NEK7: variants seen among roughly 807,000 people sequenced by gnomAD.
NEK7 encodes serine/threonine-protein kinase Nek7.
Under a neutral mutation model 44.6 loss-of-function variants are expected in NEK7, and 18 were observed. The ratio of observed to expected loss-of-function variants is 0.40; its 90% confidence interval spans 0.28 to 0.60. NEK7 has a LOEUF of 0.60. Among genes scored for constraint, NEK7 ranks in the 20% least tolerant of loss-of-function variants. The pLI, the probability that NEK7 is intolerant of heterozygous loss-of-function variation, is 0.38. For synonymous variants in NEK7, 130 were observed against 121.1 expected (o/e 1.07, Z -0.48); for missense variants, 256 against 366.5 (o/e 0.70, Z 2.46).
At chr1:198,232,660 G>A (rs1482240402) in intron 2 of NEK7, 23 bp downstream of exon 2, 4 of 1,412,020 alleles carry the variant, frequency 2.8e-6, no homozygotes, top group East Asian at 2.3e-5. Flanking sequence ...AATTAAGATG[G>A]GCAGAACTAT....
chr1:198,276,938 C>A (rs6691487), intron 5 of NEK7, among the ~76,000 whole-genome samples: 19,313 of 151,482 alleles, frequency 0.13, 1,897 homozygotes, highest in African/African-American at 0.26. Flanking sequence ...ATAGTTCCTC[C>A]ATATTCAATA....
intron 2 of NEK7, among the ~76,000 whole-genome samples, chr1:198,239,348 C>T (rs577485844): frequency 6.6e-6 from 1 of 152,078 alleles, no homozygotes; most frequent in East Asian, 2.0e-4. Flanking sequence ...CAGATTCAGC[C>T]ATTTGTTGAT....
At chr1:198,164,203 C>T (rs532353117) in intron 1 of NEK7, among the ~76,000 whole-genome samples, 4 of 152,304 alleles carry the variant, frequency 2.6e-5, no homozygotes, top group African/African-American at 9.6e-5. Context: ...TGTTACTGAA[C>T]ATTTAATAGT....
At chr1:198,310,594 T>G (rs925502730) in intron 9 of NEK7, among the ~76,000 whole-genome samples, 1 of 150,996 alleles carries the variant, frequency 6.6e-6, no homozygotes, top group African/African-American at 2.4e-5. Context: ...TTTAAGTCTT[T>G]AATCCATCTT....
intron 7 of NEK7, among the ~76,000 whole-genome samples, chr1:198,285,581 G>A (rs1295725988): frequency 2.6e-5 from 4 of 151,962 alleles, no homozygotes; most frequent in Non-Finnish European, 5.9e-5. Context: ...AAGAGAGCAT[G>A]GAGAATCACT....
chr1:198,171,640 C>T (rs1571499406), intron 1 of NEK7, among the ~76,000 whole-genome samples: 1 of 151,480 alleles, frequency 6.6e-6, no homozygotes, highest in Admixed American at 6.6e-5. Flanking sequence ...GATTGTGCAA[C>T]TGCACTCCAG....
chr1:198,253,158 C>A lies in NEK7; in HGVS notation c.176C>A (p.Pro59Gln), dbSNP rs141651146. Residue 59 changes from proline to glutamine, a missense_variant, in exon 3 of 10, where the codon CCA (proline) becomes CAA (glutamine). Pro to Gln is a moderately conservative substitution (Grantham distance 76). Transcript: ENST00000367385. ...GCAGCCTGTCTCTTGGATGGAGTAC[C>A]AGTAGCTTTAAAAAAAGTGCAGGTA... Reference protein sequence around the residue: ...YRAACLLDGVPVALKKVQIFD... With the variant: ...YRAACLLDGVQVALKKVQIFD... 1.5e-5 allele frequency: 24 copies of A among 1,604,728 alleles called. No individual in the cohort carries two copies. In the African/African-American group the frequency reaches 3.0e-4, roughly 20 times the overall value.
At chr1:198,302,911 A>C (rs1359147678) in intron 9 of NEK7, among the ~76,000 whole-genome samples, 2 of 152,246 alleles carry the variant, frequency 1.3e-5, no homozygotes, top group African/African-American at 4.8e-5. Flanking sequence ...GCCCAAAGTA[A>C]ACTCTCAGGT....
chr1:198,253,311 ATTT>A (rs1653138968), intron 3 of NEK7, 131 bp downstream of exon 3: 1 of 586,442 alleles, frequency 1.7e-6, no homozygotes, highest in East Asian at 3.1e-5. Context: ...TGAACGTTGT[ATTT>A]TAAAAGCCAG....
intron 2 of NEK7, among the ~76,000 whole-genome samples, chr1:198,252,136 A>T (rs1012492998): frequency 6.6e-6 from 1 of 152,034 alleles, no homozygotes; most frequent in Admixed American, 6.6e-5. Flanking sequence ...TTATGTACCC[A>T]GTAGTCATTC....
intron 1 of NEK7, among the ~76,000 whole-genome samples, chr1:198,205,667 T>G (rs1201550905): frequency 1.3e-5 from 2 of 152,006 alleles, no homozygotes; most frequent in Admixed American, 6.5e-5. Context: ...CACTCACATT[T>G]TTTTTTTTTG....
chr1:198,253,702 C>T (rs1653157671), intron 3 of NEK7, among the ~76,000 whole-genome samples: 1 of 152,154 alleles, frequency 6.6e-6, no homozygotes, highest in African/African-American at 2.4e-5. Flanking sequence ...TTGTGTCATT[C>T]TGGAATCAGA....
intron 1 of NEK7, among the ~76,000 whole-genome samples, chr1:198,226,624 A>T (rs1181094794): frequency 6.6e-6 from 1 of 151,696 alleles, no homozygotes; most frequent in Non-Finnish European, 1.5e-5. Flanking sequence ...TACTTACTGT[A>T]ATATGTATAT....
Position 198,199,715 on chromosome 1 carries a change from A to G in NEK7, c.-28-32838A>G, listed in dbSNP as rs370077176. 1.2e-4 allele frequency among the ~76,000 whole-genome samples: 19 copies of G among 152,132 alleles called. 1 individual carries two copies. The East Asian group carries it at 2.9e-3, about 23-fold the overall frequency. ...CTTTATTTCTAATTCTTTTGGTCTTAAAAGCTACTTTGTCTAATATAAATA... is the reference window on the plus strand; with the variant it reads ...CTTTATTTCTAATTCTTTTGGTCTTGAAAGCTACTTTGTCTAATATAAATA... On this transcript the variant is annotated intron_variant, in intron 1 of 9. Transcript: ENST00000367385.
At chr1:198,211,799 C>G (rs1313862237) in intron 1 of NEK7, among the ~76,000 whole-genome samples, 2 of 152,216 alleles carry the variant, frequency 1.3e-5, no homozygotes, top group East Asian at 3.9e-4. Context: ...AAGGTTCATG[C>G]TGTGAACTTT....
chr1:198,215,863 C>G (rs904719179), intron 1 of NEK7, among the ~76,000 whole-genome samples: 2 of 151,968 alleles, frequency 1.3e-5, no homozygotes, highest in African/African-American at 4.8e-5. Flanking sequence ...GAAGATATAA[C>G]AATCCTAAAC....
chr1:198,167,637 T>C (rs1664306964), intron 1 of NEK7, among the ~76,000 whole-genome samples: 1 of 152,216 alleles, frequency 6.6e-6, no homozygotes, highest in African/African-American at 2.4e-5. Flanking sequence ...TGTGAAAGCT[T>C]ACCACTTCCC....
chr1:198,305,091 AT>A (rs1654986617), intron 9 of NEK7, among the ~76,000 whole-genome samples: 1 of 152,128 alleles, frequency 6.6e-6, no homozygotes, highest in Admixed American at 6.5e-5. Context: ...CTGAGATAAC[AT>A]AAACCATGAA....
At chr1:198,307,534 T>C (rs940789485) in intron 9 of NEK7, among the ~76,000 whole-genome samples, 11 of 152,272 alleles carry the variant, frequency 7.2e-5, no homozygotes, top group African/African-American at 2.2e-4. Context: ...AAGAATTTCA[T>C]AGGACCCACT....
Sources: gnomAD v4.1 joint callset for allele counts (sites outside exome capture counted in the v4.1 genomes callset) on GRCh38, gnomAD v4.1.1 for gene constraint, MANE v1.5 for transcripts, NCBI Gene and HGNC (gene_info 2026-07-23, HGNC 2026-07-21) for gene names.